The following SLC13A2 variants were observed in gnomAD, a reference collection of about 807,000 sequenced individuals.
The protein encoded by SLC13A2 is solute carrier family 13 member 2.
A neutral mutation model predicts 58.5 loss-of-function variants in SLC13A2; 40 were observed. That is an observed-to-expected ratio of 0.68 (90% CI 0.53 to 0.89). The LOEUF is 0.89. Ranked by LOEUF, SLC13A2 falls within the 40% of genes least tolerant of loss-of-function variation. The pLI is 0.00. For synonymous variants in SLC13A2, 341 were observed against 331.6 expected (o/e 1.03, Z -0.31); for missense variants, 694 against 772.6 (o/e 0.90, Z 1.21).
chr17:28,483,184 C>T (rs2068816203), intron 1 of SLC13A2, among the ~76,000 whole-genome samples: 1 of 152,212 alleles, frequency 6.6e-6, no homozygotes, highest in Non-Finnish European at 1.5e-5. Flanking sequence ...ACACCTGCCA[C>T]ACACCCCGGG....
At chr17:28,480,820 G>A (rs1322832639) in intron 1 of SLC13A2, among the ~76,000 whole-genome samples, 1 of 152,148 alleles carries the variant, frequency 6.6e-6, no homozygotes, top group Non-Finnish European at 1.5e-5. Flanking sequence ...CTTGTGCTTA[G>A]GAGGGCCTCA....
Position 28,494,133 on chromosome 17 carries a change from G to A in SLC13A2, c.1186+28G>A. 7 of 1,600,858 alleles carry A rather than the reference G, an allele frequency of 4.4e-6. No individual in the cohort carries two copies. Among genetic ancestry groups the A allele is most frequent in the Non-Finnish European group, 6.0e-6 (7 of 1,168,016 alleles). On this transcript the variant is annotated intron_variant, in intron 8 of 11. Transcript: ENST00000314669. This position sits in a 1 kb window ranked among gnomAD's most constrained non-coding sequence, Gnocchi z 4.0. ...AAGCACCTGGACTGGGGCAGGGAAGGGTCTCCGGGCAGCCCCTGCCTTCAA... is the reference window on the plus strand; with the variant it reads ...AAGCACCTGGACTGGGGCAGGGAAGAGTCTCCGGGCAGCCCCTGCCTTCAA...
At position 28,496,676 on chromosome 17, in the gene SLC13A2, G is replaced by C; in HGVS notation, c.1608+89G>C. On this transcript the variant is annotated intron_variant, in intron 11 of 11. Transcript: ENST00000314669. The surrounding 1 kb of genome is among the most constrained non-coding windows in gnomAD (Gnocchi z 4.2). ...AACCACAAAGCAGCTTAAAGCCACT[G>C]AGAGTCTCAGAGTTGAGCGGGTCCT... 2.6e-6 allele frequency: 4 copies of C among 1,510,562 alleles called. No homozygotes were observed. The South Asian group carries it at 5.2e-5, about 20-fold the overall frequency. The allele number at this position is 1,510,562 out of a possible 1,614,324, so 93.6% of individuals were successfully genotyped here.
At chr17:28,490,256 A>G in intron 2 of SLC13A2, 198 bp from the exon 3 acceptor site, 1 of 1,490,540 alleles carries the variant, frequency 6.7e-7, no homozygotes, top group Non-Finnish European at 9.0e-7. Flanking sequence ...CCTGGGCAAC[A>G]GAGCCAGACC....
intron 1 of SLC13A2, among the ~76,000 whole-genome samples, chr17:28,480,557 C>A (rs73276447): frequency 8.6e-4 from 131 of 152,238 alleles, no homozygotes; most frequent in African/African-American, 3.0e-3. Flanking sequence ...GGGTTCAAAT[C>A]CATTCAGCAG....
chr17:28,485,874 A>G (rs1332125211), intron 1 of SLC13A2, among the ~76,000 whole-genome samples: 1 of 152,150 alleles, frequency 6.6e-6, no homozygotes, highest in Non-Finnish European at 1.5e-5. Context: ...ACATGCCTGT[A>G]GTCCCAGCTA....
In SLC13A2 at chr17:28,496,329, G is replaced by C. The variant is rs942173716; in HGVS notation, c.1471-121G>C. On this transcript the variant is annotated intron_variant, in intron 10 of 11. Coordinates refer to ENST00000314669, the MANE Select transcript of SLC13A2 (RefSeq NM_003984.4). The surrounding 1 kb of genome is among the most constrained non-coding windows in gnomAD (Gnocchi z 4.2). ...CTTCTGGGAGAAGAGGTGGGCTCAT[G>C]ACCAGAGAGTGTATTAGGGTACAGG... 15 of 1,317,670 alleles carry C rather than the reference G, an allele frequency of 1.1e-5. No individual in the cohort carries two copies. The Admixed American group carries it at 2.8e-4, about 24-fold the overall frequency. 81.6% of individuals were successfully genotyped at this position (1,317,670 alleles called of 1,614,324 possible).
chr17:28,493,104 C>G (rs923688181), intron 6 of SLC13A2, among the ~76,000 whole-genome samples: 1 of 152,146 alleles, frequency 6.6e-6, no homozygotes, highest in African/African-American at 2.4e-5. Flanking sequence ...AATGTCAACA[C>G]AAGTTAAGTC....
chr17:28,490,110 CA>C (rs34967789), intron 2 of SLC13A2, among the ~76,000 whole-genome samples: 1 of 152,038 alleles, frequency 6.6e-6, no homozygotes, highest in Non-Finnish European at 1.5e-5. Context: ...CTCATCTCTA[CA>C]AAAAATACAA....
chr17:28,477,248 C>T (rs1225882294), intron 1 of SLC13A2, among the ~76,000 whole-genome samples: 1 of 136,658 alleles, frequency 7.3e-6, no homozygotes, highest in Non-Finnish European at 1.5e-5. Flanking sequence ...GGCTGGAGTG[C>T]AGTGGCACAA....
chr17:28,493,628 C>G lies in SLC13A2; in HGVS notation c.936C>G (p.Tyr312Ter). ...TGCAGGAGCAACAGCAGGCAGCCTA[C>G]TGCGTCATCCAGACCGAGCACAGGC... is the stretch of plus-strand genomic sequence containing the variant. ...EKMQEQQQAA[Y>*]CVIQTEHRLL... Residue 312 changes from tyrosine (Y) to a stop codon, truncating the protein, a stop_gained, in exon 7 of 12, where the codon TAC becomes TAG. Coordinates refer to ENST00000314669, the MANE Select transcript of SLC13A2 (RefSeq NM_003984.4). LOFTEE classifies it high-confidence loss of function. 6.2e-7 allele frequency: 1 copy of G among 1,613,776 alleles called. No homozygotes were observed. The highest frequency in any genetic ancestry group is 8.5e-7 in the Non-Finnish European group (1 of 1,179,730).
chr17:28,496,517 T>C lies in SLC13A2; in HGVS notation c.1538T>C (p.Phe513Ser), dbSNP rs1555604676. ...TGCACTCTGGCCACCTCCCTGGCCT[T>C]CATGTTGCCTGTGGCCACCCCGCCC... Reference protein sequence around the residue: ...LPCTLATSLAFMLPVATPPNA... With the variant: ...LPCTLATSLASMLPVATPPNA... The change falls in exon 11 of 12, where the codon TTC becomes TCC. Residue 513 changes from phenylalanine to serine, a missense_variant. Physicochemically the swap from Phe to Ser is radical, Grantham distance 155 (BLOSUM62 -2). Coordinates refer to ENST00000314669, the MANE Select transcript of SLC13A2 (RefSeq NM_003984.4). This position sits in a 1 kb window ranked among gnomAD's most constrained non-coding sequence, Gnocchi z 4.2. 1.2e-6 allele frequency: 2 copies of C among 1,613,546 alleles called. No individual in the cohort carries two copies. The highest frequency in any genetic ancestry group is 3.3e-5 in the Admixed American group (2 of 59,946).
chr17:28,476,532 C>T (rs1028979581), intron 1 of SLC13A2, among the ~76,000 whole-genome samples: 1 of 151,954 alleles, frequency 6.6e-6, no homozygotes, highest in Non-Finnish European at 1.5e-5. Context: ...CCCCCTGTGA[C>T]CCACCTCTCG....
intron 1 of SLC13A2, among the ~76,000 whole-genome samples, chr17:28,474,855 C>G (rs1025504419): frequency 4.6e-5 from 7 of 152,104 alleles, no homozygotes; most frequent in African/African-American, 7.2e-5. Context: ...CACCCCACAC[C>G]CCCAGAACTG....
At chr17:28,495,577 A>G in intron 9 of SLC13A2, 78 bp from the exon 10 acceptor site, 2 of 1,399,314 alleles carry the variant, frequency 1.4e-6, no homozygotes, top group Non-Finnish European at 2.0e-6. Flanking sequence ...CAGGAGCAGG[A>G]GCCTCATAGA....
intron 1 of SLC13A2, among the ~76,000 whole-genome samples, chr17:28,482,410 C>T (rs1327313036): frequency 6.6e-6 from 1 of 152,102 alleles, no homozygotes. Context: ...TTTATTGGTG[C>T]ATTTAAAAAC....
In SLC13A2 at chr17:28,497,152, C is replaced by T. The variant is rs782244641; in HGVS notation, c.1662C>T (p.Ala554=). Residue 554 remains alanine, a synonymous_variant, in exon 12 of 12, where the codon GCC becomes GCT. Transcript: ENST00000314669. ...TTGGAGTCCTGATCATCGCACTGGCCATCAACAGCTGGGGCATCCCCCTCT... is the reference window on the plus strand; with the variant it reads ...TTGGAGTCCTGATCATCGCACTGGCTATCAACAGCTGGGGCATCCCCCTCT... ...NIIGVLIIAL[A]INSWGIPLFS... is the part of the protein sequence containing the mutation. 6.2e-7 allele frequency: 1 copy of T among 1,614,062 alleles called. No individual in the cohort carries two copies.
intron 4 of SLC13A2, 93 bp from the exon 5 acceptor site, chr17:28,491,344 A>T: frequency 7.1e-7 from 1 of 1,417,228 alleles, no homozygotes; most frequent in Non-Finnish European, 9.7e-7. Flanking sequence ...GGCTGTTCAC[A>T]GACAAGGTAC....
chr17:28,485,509 TAAG>T (rs1260841835), intron 1 of SLC13A2, among the ~76,000 whole-genome samples: 3 of 152,196 alleles, frequency 2.0e-5, no homozygotes, highest in East Asian at 3.9e-4. Context: ...ACTGTGTGCC[TAAG>T]AAGAAAAGAC....
Sources: allele counts gnomAD v4.1 joint callset (sites outside exome capture counted in the v4.1 genomes callset), GRCh38; gene constraint gnomAD v4.1.1; non-coding constraint Gnocchi (gnomAD v3.1); transcripts MANE v1.5; gene names NCBI Gene and HGNC (gene_info 2026-07-23, HGNC 2026-07-21).